Variants in GLB1 observed in about 807,000 individuals in gnomAD.
GLB1 encodes the protein beta-galactosidase.
GLB1 carries 56 observed loss-of-function variants against 74.0 expected under a neutral mutation model. The observed-to-expected ratio is 0.76, with a 90% CI of 0.61 to 0.94. The LOEUF is 0.94. GLB1 is among the 40% of genes least tolerant of loss of function. The pLI, the probability that GLB1 is intolerant of heterozygous loss-of-function variation, is 0.00. For missense variants in GLB1, 787 were observed against 845.5 expected, an observed-to-expected ratio of 0.93 and a Z score of 0.86; for synonymous variants, 323 against 323.6, an observed-to-expected ratio of 1.00 and a Z score of 0.02.
At chr3:33,069,016 A>G (rs965363879) in intron 2 of GLB1, 46 bp from the exon 3 acceptor site, 17 of 1,614,050 alleles carry the variant, frequency 1.1e-5, no homozygotes, top group Non-Finnish European at 1.4e-5. Context: ...GGCAGAGTCA[A>G]GAAGAAAGAA....
the GLB1 span, among the ~76,000 whole-genome samples, chr3:32,984,941 C>CA: frequency 0.024 from 3,018 of 127,494 alleles, 42 homozygotes; most frequent in African/African-American, 0.034. Flanking sequence ...GACTCTGTCT[C>CA]AAAAAAAAAA....
At chr3:33,043,024 A>G (rs994305133) in intron 10 of GLB1, among the ~76,000 whole-genome samples, 6 of 152,266 alleles carry the variant, frequency 3.9e-5, no homozygotes, top group Non-Finnish European at 7.3e-5. Context: ...TAAGGAGAGA[A>G]CTAAAATACA....
rs1360003948 is a variant in GLB1, at chr3:33,056,215, G to A, written c.733+1874C>T. Among the ~76,000 whole-genome samples, 303 of 97,824 alleles carry A rather than the reference G, an allele frequency of 3.1e-3. 1 individual carries two copies. The highest frequency in any genetic ancestry group is 0.011 in the African/African-American group (263 of 24,142). 64.2% of individuals were successfully genotyped at this position (97,824 alleles called of 152,430 possible). On this transcript the variant is annotated intron_variant, in intron 6 of 15. Transcript: ENST00000307363. ...GCACTCCAGCCTGGGCAACAAGAGC[G>A]AAACTCCACCTCAAAAAAAAAAAAA...
At chr3:32,962,408 AATGTG>A in the GLB1 span, among the ~76,000 whole-genome samples, 1 of 150,918 alleles carries the variant, frequency 6.6e-6, no homozygotes, top group Admixed American at 6.6e-5. Context: ...TAACAGGGGA[AATGTG>A]ATGTGCAGTA....
At chr3:33,034,851 AC>A (rs1416081626) in intron 10 of GLB1, 4 of 541,866 alleles carry the variant, frequency 7.4e-6, no homozygotes, top group Admixed American at 4.2e-5. Context: ...TCCAGGACTG[AC>A]TGATCATCTA....
At chr3:32,986,457 A>T in the GLB1 span, among the ~76,000 whole-genome samples, 1 of 152,216 alleles carries the variant, frequency 6.6e-6, no homozygotes, top group African/African-American at 2.4e-5. Flanking sequence ...TTACACAATC[A>T]TACAAGACCC....
intron 1 of GLB1, chr3:33,091,900 G>C: frequency 1.0e-6 from 1 of 985,444 alleles, no homozygotes; most frequent in South Asian, 4.7e-5. Context: ...TATTGCTTCT[G>C]GCAAAAGGGC....
At chr3:32,966,306 G>C in the GLB1 span, among the ~76,000 whole-genome samples, 2 of 152,200 alleles carry the variant, frequency 1.3e-5, no homozygotes, top group Non-Finnish European at 2.9e-5. Flanking sequence ...CCATGACCTG[G>C]ATGTGAGACA....
At chr3:33,032,651 G>A (rs1698100261) in intron 10 of GLB1, among the ~76,000 whole-genome samples, 1 of 152,036 alleles carries the variant, frequency 6.6e-6, no homozygotes, top group African/African-American at 2.4e-5. Context: ...TTGATTTCCT[G>A]GCCTCAAGTG....
chr3:33,058,129 C>T lies in GLB1; in HGVS notation c.693G>A (p.Gly231=). 1 of 1,614,078 alleles carries T rather than the reference C, an allele frequency of 6.2e-7. No homozygotes were observed. The highest frequency in any genetic ancestry group is 1.3e-5 in the African/African-American group (1 of 74,996). ...CCGTGGTGTAGAGGCCCTGCAGGGC[C>T]CCACATTTCAGGAATGTTTTATGTG... ...DGAHKTFLKC[G]ALQGLYTTVD... is the part of the protein sequence containing the mutation. Residue 231 remains glycine, a synonymous_variant, in exon 6 of 16, where the codon GGG becomes GGA. Transcript: ENST00000307363.
chr3:33,052,115 C>T, intron 7 of GLB1, 111 bp from the exon 8 acceptor site: 1 of 1,583,446 alleles, frequency 6.3e-7, no homozygotes, highest in Non-Finnish European at 8.5e-7. Context: ...GACATGCTGA[C>T]ATGCACTGCT....
chr3:33,072,745 T>A (rs756832072), intron 1 of GLB1, 32 bp from the exon 2 acceptor site: 2 of 1,613,658 alleles, frequency 1.2e-6, no homozygotes, highest in Non-Finnish European at 1.7e-6. Context: ...ACATGAGAAC[T>A]TCCACCTTCT....
At chr3:32,975,658 T>C in the GLB1 span, among the ~76,000 whole-genome samples, 1 of 151,928 alleles carries the variant, frequency 6.6e-6, no homozygotes, top group African/African-American at 2.4e-5. Context: ...AAATAGAAAA[T>C]CTCTCATTTA....
chr3:33,041,825 G>C (rs1037115296), intron 10 of GLB1, among the ~76,000 whole-genome samples: 2 of 151,912 alleles, frequency 1.3e-5, no homozygotes, highest in African/African-American at 4.8e-5. Flanking sequence ...AGAAAAGTGT[G>C]GTCCTGGGAC....
intron 1 of GLB1, among the ~76,000 whole-genome samples, chr3:33,084,369 G>A (rs1700428839): frequency 6.6e-6 from 1 of 152,174 alleles, no homozygotes; most frequent in Non-Finnish European, 1.5e-5. Flanking sequence ...AGAGCTAAGA[G>A]CCTTCCAAAT....
At chr3:33,072,885 G>A (rs1001737668) in intron 1 of GLB1, among the ~76,000 whole-genome samples, 172 bp from the exon 2 acceptor site, 2 of 152,152 alleles carry the variant, frequency 1.3e-5, no homozygotes, top group African/African-American at 4.8e-5. Flanking sequence ...AGGTCCACCA[G>A]GGGTACTCAG....
chr3:32,986,946 C>T, the GLB1 span, among the ~76,000 whole-genome samples: 3 of 152,196 alleles, frequency 2.0e-5, no homozygotes, highest in Non-Finnish European at 4.4e-5. Flanking sequence ...CCAACTATTG[C>T]TCATCACTCA....
chr3:33,068,697 T>C (rs189512283), intron 3 of GLB1, 123 bp downstream of exon 3: 1 of 1,564,210 alleles, frequency 6.4e-7, no homozygotes, highest in East Asian at 2.3e-5. Context: ...AAGACACCTG[T>C]GCTGGGTACA....
chr3:32,974,773 C>T, the GLB1 span, among the ~76,000 whole-genome samples: 3 of 152,160 alleles, frequency 2.0e-5, no homozygotes, highest in Admixed American at 2.0e-4. Flanking sequence ...GAGGAGTCCC[C>T]TCTTACTTAC....
Sources: allele counts gnomAD v4.1 joint callset (sites outside exome capture counted in the v4.1 genomes callset), GRCh38; gene constraint gnomAD v4.1.1; transcripts MANE v1.5; gene names NCBI Gene and HGNC (gene_info 2026-07-23, HGNC 2026-07-21).